YKT6: variants seen among roughly 807,000 people sequenced by gnomAD.
YKT6 encodes the protein synaptobrevin homolog YKT6.
In YKT6, 12 loss-of-function variants were observed where a neutral mutation model predicts 29.3. The ratio of observed to expected loss-of-function variants is 0.41; its 90% CI spans 0.26 to 0.66. The LOEUF (loss-of-function observed/expected upper bound fraction) is 0.66, where lower values mean the gene tolerates loss of function less well. Among genes scored for constraint, YKT6 ranks in the 30% least tolerant of loss-of-function variants. The probability of loss-of-function intolerance (pLI) is 0.32; values close to 1 mark genes in which losing one functional copy is unlikely to be tolerated. For missense variants in YKT6, 188 were observed against 243.8 expected, an observed-to-expected ratio of 0.77 and a Z score of 1.52; for synonymous variants, 86 against 94.3, an observed-to-expected ratio of 0.91 and a Z score of 0.51.
In YKT6 at chr7:44,206,481, A is replaced by C. The variant is rs2096341055; in HGVS notation, c.284A>C (p.Glu95Ala). The change falls in exon 3 of 7, where the codon GAG becomes GCG. Residue 95 changes from glutamate (E) to alanine (A), a missense_variant. Coordinates refer to ENST00000223369, the MANE Select transcript of YKT6 (RefSeq NM_006555.4). ...YPSRVAFTLLEKVLDEFSKQV... is the reference protein window; with the variant it reads ...YPSRVAFTLLAKVLDEFSKQV... ...TCCCGGGTGGCCTTTACCTTGCTGG[A>C]GAAGGTGAGTTTTTTATTTGCCTCT... 1 of 1,613,574 alleles carries C rather than the reference A, an allele frequency of 6.2e-7. No individual in the cohort carries two copies. The highest frequency in any genetic ancestry group is 1.3e-5 in the African/African-American group (1 of 74,862).
rs1359023676 is a variant in YKT6 at position 44,212,274 on chromosome 7, A to G, written c.589A>G (p.Ile197Val). 2 of 1,613,952 alleles carry G rather than the reference A, an allele frequency of 1.2e-6. No individual in the cohort carries two copies. Among genetic ancestry groups the G allele is most frequent in the South Asian group, 1.1e-5 (1 of 91,070 alleles). ...CCGGAAACAAAACTCATGCTGTGCC[A>G]TCATGTGATGCAGCCTGCCAGAGGC... ...TARKQNSCCA[I>V]M The change falls in exon 7 of 7, where the codon ATC becomes GTC. Residue 197 changes from isoleucine to valine, a missense_variant. By Grantham distance (29) the Ile-to-Val change is conservative (BLOSUM62 3). Coordinates refer to ENST00000223369, the MANE Select transcript of YKT6 (RefSeq NM_006555.4).
chr7:44,212,827 GGC>G lies in YKT6; in HGVS notation c.*547_*548del. On this transcript the variant is annotated 3_prime_UTR_variant, in exon 7 of 7. Coordinates refer to ENST00000223369, the MANE Select transcript of YKT6 (RefSeq NM_006555.4). ...CCCCCACTTCAGGCCCAAGGCCTGG[GGC>G]GGGGGGAACAGTCACTGGGTCTCAG... is the stretch of plus-strand genomic sequence containing the variant. 6.6e-6 allele frequency: 1 copy of G among 152,528 alleles called. No homozygotes were observed. Among genetic ancestry groups the G allele is most frequent in the East Asian group, 1.9e-4 (1 of 5,200 alleles). 9.4% of individuals were successfully genotyped at this position (152,528 alleles called of 1,614,324 possible).
chr7:44,206,623 T>A, intron 3 of YKT6, 138 bp downstream of exon 3: 1 of 801,748 alleles, frequency 1.2e-6, no homozygotes. Context: ...TCAGCCCCCT[T>A]CCCTGCAACC....
intron 6 of YKT6, 21 bp from the exon 7 acceptor site, chr7:44,212,226 T>A (rs750679918): frequency 5.6e-6 from 9 of 1,614,008 alleles, no homozygotes; most frequent in Non-Finnish European, 4.2e-6. Flanking sequence ...CCTTCTCAGC[T>A]CCTCTTTGTT....
Position 44,212,334 on chromosome 7 carries a change from A to G in YKT6, c.*52A>G. 6.2e-7 allele frequency: 1 copy of G among 1,600,350 alleles called. No individual in the cohort carries two copies. The highest frequency in any genetic ancestry group is 8.6e-7 in the Non-Finnish European group (1 of 1,169,450). On this transcript the variant is annotated 3_prime_UTR_variant, in exon 7 of 7. Coordinates refer to ENST00000223369, the MANE Select transcript of YKT6 (RefSeq NM_006555.4). ...GAATGGCACCATCATTCACATCAGA[A>G]CTGCAGCCCCTGGAAAAGAAGAGAC...
chr7:44,202,328 G>A (rs1443344770), intron 1 of YKT6, among the ~76,000 whole-genome samples: 3 of 152,054 alleles, frequency 2.0e-5, no homozygotes, highest in South Asian at 2.1e-4. Context: ...ATCTTTAAGC[G>A]TGTAGTGAGT....
intron 1 of YKT6, among the ~76,000 whole-genome samples, chr7:44,201,502 G>C (rs2096335698): frequency 6.6e-6 from 1 of 152,216 alleles, no homozygotes. Context: ...CTCTACCTTT[G>C]AGGAACCAAC....
At chr7:44,201,456 C>T (rs2096335625) in intron 1 of YKT6, among the ~76,000 whole-genome samples, 1 of 152,018 alleles carries the variant, frequency 6.6e-6, no homozygotes, top group Non-Finnish European at 1.5e-5. Flanking sequence ...GTCTGCTGTC[C>T]GGGCTTGGTC....
At chr7:44,210,209 G>A (rs1035728597) in intron 5 of YKT6, among the ~76,000 whole-genome samples, 4 of 152,162 alleles carry the variant, frequency 2.6e-5, no homozygotes, top group Non-Finnish European at 2.9e-5. Context: ...ATTTCCCACC[G>A]CCTTTTGTTT....
intron 5 of YKT6, chr7:44,210,593 C>T (rs868191560): frequency 7.0e-5 from 21 of 298,728 alleles, no homozygotes; most frequent in Non-Finnish European, 9.9e-5. Context: ...TTGGGGGGTG[C>T]GGTGTGGGTC....
rs2096347719 is a variant in YKT6, at chr7:44,212,314, G to T, written c.*32G>T. ...CTGCCAGAGGCCCAATGCTGGAATG[G>T]CACCATCATTCACATCAGAACTGCA... On this transcript the variant is annotated 3_prime_UTR_variant, in exon 7 of 7. Transcript: ENST00000223369. The T allele has an allele frequency of 1.2e-6, 2 of 1,612,448 alleles. No individual in the cohort carries two copies. The highest frequency in any genetic ancestry group is 1.7e-5 in the Admixed American group (1 of 59,964).
At chr7:44,206,201 GCCAAGCT>G (rs1279056684) in intron 2 of YKT6, among the ~76,000 whole-genome samples, 177 bp from the exon 3 acceptor site, 1 of 152,188 alleles carries the variant, frequency 6.6e-6, no homozygotes, top group Admixed American at 6.5e-5. Flanking sequence ...CAGGCGTTGG[GCCAAGCT>G]CCTGTGTGTG....
At chr7:44,210,409 G>T (rs59376731) in intron 5 of YKT6, among the ~76,000 whole-genome samples, 2 of 152,164 alleles carry the variant, frequency 1.3e-5, no homozygotes, top group African/African-American at 4.8e-5. Flanking sequence ...CTGCCGTCAC[G>T]TGACCTTCTG....
At chr7:44,212,144 C>A in intron 6 of YKT6, 103 bp from the exon 7 acceptor site, 2 of 1,415,492 alleles carry the variant, frequency 1.4e-6, no homozygotes, top group Non-Finnish European at 9.9e-7. Context: ...AGTTTCTCTG[C>A]CTGGCTGTGT....
chr7:44,201,286 T>G, intron 1 of YKT6, 47 bp downstream of exon 1: 1 of 1,273,732 alleles, frequency 7.9e-7, no homozygotes, highest in Non-Finnish European at 1.0e-6. Context: ...CGGAGAGGAC[T>G]GGGGTGGGGG....
Position 44,201,237 on chromosome 7 carries a change from C to T in YKT6, c.102C>T (p.Ser34=). 6.2e-7 allele frequency: 1 copy of T among 1,611,482 alleles called. No individual in the cohort carries two copies. The highest frequency in any genetic ancestry group is 8.5e-7 in the Non-Finnish European group (1 of 1,178,732). The stretch of plus-strand genomic sequence containing the variant: ...CTTCCTTCAGCTTTTTCCAGAGATC[C>T]AGGTGAGCGGCACAGGCTGGTGGGC... ...DVSSFSFFQR[S]SVQEFMTFTS... Residue 34 remains serine (S), a splice_region_variant and synonymous_variant, in exon 1 of 7, where the codon TCC becomes TCT. Transcript: ENST00000223369.
rs2096348070 is a variant in YKT6, at chr7:44,212,605, T to TC, written c.*324dup. The TC allele has an allele frequency of 2.9e-6, 1 of 341,082 alleles. No homozygotes were observed. Among genetic ancestry groups the TC allele is most frequent in the Non-Finnish European group, 5.3e-6 (1 of 187,656 alleles). The allele number at this position is 341,082 out of a possible 1,614,324, so 21.1% of individuals were successfully genotyped here. A position where few individuals can be genotyped will look rare whatever the true frequency, so the allele number is the denominator to read the frequency against. On this transcript the variant is annotated 3_prime_UTR_variant, in exon 7 of 7. Transcript: ENST00000223369. ...CTGGGAAGGCTCTGTGGGAGGGAGGTCGGAGCCAGCTGTTTCTCGATCTTT... is the reference window on the plus strand; with the variant it reads ...CTGGGAAGGCTCTGTGGGAGGGAGGTCCGGAGCCAGCTGTTTCTCGATCTTT...
Position 44,212,370 on chromosome 7 carries a change from G to T in YKT6, c.*88G>T. The T allele has an allele frequency of 6.5e-7, 1 of 1,544,640 alleles. No individual in the cohort carries two copies. The highest frequency in any genetic ancestry group is 1.7e-5 in the Admixed American group (1 of 57,744). The stretch of plus-strand genomic sequence containing the variant: ...TGGAAAAGAAGAGACAGCCATAGAC[G>T]AGGAGCCAGAGTGGGGGCAGACTGG... On this transcript the variant is annotated 3_prime_UTR_variant, in exon 7 of 7. Transcript: ENST00000223369.
Position 44,206,250 on chromosome 7 carries a change from C to G in YKT6, c.188-135C>G, listed in dbSNP as rs938590509. On this transcript the variant is annotated intron_variant, in intron 2 of 6. Coordinates refer to ENST00000223369, the MANE Select transcript of YKT6 (RefSeq NM_006555.4). Reference sequence around the variant, plus strand: ...TGGGCTGTGCTGCTAAGCCTCTCCACAAGACTTGCCCAGAGCTATTGAGCT... The same window carrying G: ...TGGGCTGTGCTGCTAAGCCTCTCCAGAAGACTTGCCCAGAGCTATTGAGCT... 4 of 828,474 alleles carry G rather than the reference C, an allele frequency of 4.8e-6. No homozygotes were observed. The African/African-American group carries it at 5.1e-5, about 11-fold the overall frequency. The allele number at this position is 828,474 out of a possible 1,614,324, so 51.3% of individuals were successfully genotyped here.
Sources: gnomAD v4.1 joint callset for allele counts (sites outside exome capture counted in the v4.1 genomes callset) on GRCh38, gnomAD v4.1.1 for gene constraint, MANE v1.5 for transcripts, NCBI Gene and HGNC (gene_info 2026-07-23, HGNC 2026-07-21) for gene names.